The following SLK variants were observed in gnomAD, a reference collection of about 807,000 sequenced individuals.
SLK encodes STE20 like kinase, also known as STE20-like serine/threonine-protein kinase.
A neutral mutation model predicts 147.7 loss-of-function variants in SLK; 67 were observed. The observed-to-expected ratio is 0.45, with a 90% confidence interval of 0.37 to 0.56. The LOEUF is 0.56. SLK is among the 20% of genes least tolerant of loss of function. The pLI is 0.00. For synonymous variants in SLK, 441 were observed against 475.0 expected, an observed-to-expected ratio of 0.93 and a Z score of 0.93; for missense variants, 1,136 against 1,438.8, an observed-to-expected ratio of 0.79 and a Z score of 3.41.
At chr10:103,989,464 C>CTTTTTTTTTTTTT (rs68033075) in intron 1 of SLK, among the ~76,000 whole-genome samples, 17 of 78,588 alleles carry the variant, frequency 2.2e-4, no homozygotes, top group African/African-American at 5.7e-4. Flanking sequence ...GTGGCAGTTT[C>CTTTTTTTTTTTTT]TTTTTTTTTT....
rs186202260 is a variant in SLK at position 103,986,261 on chromosome 10, A to G, written c.151-4414A>G. ...TAATGAAATAATTACACAACTCACC[A>G]TAATATAGAATTAGTGGGAGCTCTG... On this transcript the variant is annotated intron_variant, in intron 1 of 18. Transcript: ENST00000369755. 1.8e-3 allele frequency among the ~76,000 whole-genome samples: 269 copies of G among 152,320 alleles called. 1 individual carries two copies. Among genetic ancestry groups the G allele is most frequent in the African/African-American group, 6.3e-3 (260 of 41,568 alleles).
chr10:103,999,355 A>G (rs1308088065), intron 6 of SLK, 42 bp downstream of exon 6: 1 of 1,388,632 alleles, frequency 7.2e-7, no homozygotes, highest in Non-Finnish European at 9.9e-7. Context: ...AACAAATGAT[A>G]CTAGGAAGCA....
chr10:104,022,611 T>TTTTG (rs1304188518), intron 18 of SLK, among the ~76,000 whole-genome samples: 1 of 152,210 alleles, frequency 6.6e-6, no homozygotes, highest in Non-Finnish European at 1.5e-5. Context: ...TAGTGTGGCT[T>TTTTG]TTTGTTTGTT....
Position 104,025,690 on chromosome 10 carries a change from T to C in SLK, c.3678T>C (p.Pro1226=). ...AGAGCCGGATTTCCAAATTTTATCCTATTCCCAGCTTGCATTCCACCGGAT... is the reference window on the plus strand; with the variant it reads ...AGAGCCGGATTTCCAAATTTTATCCCATTCCCAGCTTGCATTCCACCGGAT... The part of the protein sequence containing the change: ...STQSRISKFY[P]IPSLHSTGS The change falls in exon 19 of 19, where the codon CCT becomes CCC. Residue 1226 remains proline, a synonymous_variant. Transcript: ENST00000369755. 1 of 1,614,114 alleles carries C rather than the reference T, an allele frequency of 6.2e-7. No individual in the cohort carries two copies. Among genetic ancestry groups the C allele is most frequent in the Non-Finnish European group, 8.5e-7 (1 of 1,179,980 alleles).
intron 1 of SLK, among the ~76,000 whole-genome samples, chr10:103,971,189 T>C (rs1241395914): frequency 2.0e-5 from 3 of 152,356 alleles, no homozygotes; most frequent in African/African-American, 7.2e-5. Flanking sequence ...AAAAATAGTA[T>C]TATTTGACAT....
intron 5 of SLK, 25 bp from the exon 6 acceptor site, chr10:103,999,094 A>G (rs1338015347): frequency 6.3e-7 from 1 of 1,587,728 alleles, no homozygotes; most frequent in East Asian, 2.2e-5. Context: ...TAAACATGTT[A>G]ACTTTTAATT....
At chr10:104,012,200 T>TA (rs1015610116) in intron 13 of SLK, among the ~76,000 whole-genome samples, 10 of 152,140 alleles carry the variant, frequency 6.6e-5, no homozygotes, top group Non-Finnish European at 1.2e-4. Context: ...GGGCTGCCAT[T>TA]AAAAAAATTT....
At chr10:103,972,533 G>A (rs894777465) in intron 1 of SLK, among the ~76,000 whole-genome samples, 73 of 152,188 alleles carry the variant, frequency 4.8e-4, no homozygotes, top group Admixed American at 2.0e-3. Flanking sequence ...TTAGCCGGGC[G>A]TGGTGGCAGG....
chr10:103,999,944 T>C lies in SLK; in HGVS notation c.860T>C (p.Leu287Pro). The C allele has an allele frequency of 6.8e-7, 1 of 1,476,572 alleles. No homozygotes were observed. Among genetic ancestry groups the C allele is most frequent in the Non-Finnish European group, 9.4e-7 (1 of 1,067,546 alleles). The allele number at this position is 1,476,572 out of a possible 1,614,324, so 91.5% of individuals were successfully genotyped here. A position where few individuals can be genotyped will look rare whatever the true frequency, so the allele number is the denominator to read the frequency against. ...VDARWTTSQL[L>P]QHPFVTVDSN... Reference sequence around the variant, plus strand: ...GCCAGGTGGACTACATCTCAGCTGCTGCAGGTAAGAGAGTATGACAACAGC... The same window carrying C: ...GCCAGGTGGACTACATCTCAGCTGCCGCAGGTAAGAGAGTATGACAACAGC... Residue 287 changes from leucine (L) to proline (P), a missense_variant, in exon 7 of 19, where the codon CTG (leucine) becomes CCG (proline). Physicochemically the swap from Leu to Pro is moderately conservative, Grantham distance 98. This residue lies in a region of SLK where 141 missense variants were observed against 219.3 expected (regional missense o/e 0.64). Coordinates refer to ENST00000369755, the MANE Select transcript of SLK (RefSeq NM_014720.4).
Position 104,018,826 on chromosome 10 carries a change from A to G in SLK, c.3050A>G (p.Gln1017Arg), listed in dbSNP as rs895816469. The part of the protein sequence containing the change: ...AIWELEERHL[Q>R]EKHQLLKQQL... Reference sequence around the variant, plus strand: ...TGGGAGCTCGAAGAACGACACTTACAAGAAAAACACCAGCTGCTCAAACAG... The same window carrying G: ...TGGGAGCTCGAAGAACGACACTTACGAGAAAAACACCAGCTGCTCAAACAG... Residue 1017 changes from glutamine to arginine, a missense_variant, in exon 15 of 19, where the codon CAA (glutamine) becomes CGA (arginine). Coordinates refer to ENST00000369755, the MANE Select transcript of SLK (RefSeq NM_014720.4). The G allele has an allele frequency of 6.8e-6, 11 of 1,613,280 alleles. No individual in the cohort carries two copies. The highest frequency in any genetic ancestry group is 4.4e-5 in the South Asian group (4 of 90,842).
intron 9 of SLK, 21 bp from the exon 10 acceptor site, chr10:104,005,540 C>T: frequency 6.3e-7 from 1 of 1,591,076 alleles, no homozygotes; most frequent in African/African-American, 1.4e-5. Context: ...CAAAGCCTAA[C>T]TAAAATAAAA....
intron 1 of SLK, among the ~76,000 whole-genome samples, chr10:103,980,143 A>G (rs1013728835): frequency 1.3e-5 from 2 of 152,200 alleles, no homozygotes; most frequent in Non-Finnish European, 2.9e-5. Flanking sequence ...CTTCCATCAT[A>G]TAATGGATGT....
intron 1 of SLK, among the ~76,000 whole-genome samples, chr10:103,969,742 T>G (rs745311020): frequency 6.6e-6 from 1 of 152,238 alleles, no homozygotes; most frequent in Non-Finnish European, 1.5e-5. Flanking sequence ...GTGCTGGCTG[T>G]CACAAACCAG....
rs576020300 is a variant in SLK, at chr10:104,014,217, A to G, written c.2877+3309A>G. 2.0e-5 allele frequency among the ~76,000 whole-genome samples: 3 copies of G among 152,342 alleles called. No individual in the cohort carries two copies. The South Asian group carries it at 6.2e-4, about 32-fold the overall frequency. The stretch of plus-strand genomic sequence containing the variant: ...TTATGTAGATGTTTTAATTATGGAT[A>G]TGGTCAGAAAAGCCATGTTAAAAGT... On this transcript the variant is annotated intron_variant, in intron 13 of 18. Transcript: ENST00000369755.
chr10:104,017,180 G>C (rs1199683558), intron 13 of SLK, among the ~76,000 whole-genome samples: 1 of 152,138 alleles, frequency 6.6e-6, no homozygotes, highest in Non-Finnish European at 1.5e-5. Context: ...ATAAATATTT[G>C]TTGAATGAAT....
chr10:103,991,071 C>G (rs550011754), intron 2 of SLK, among the ~76,000 whole-genome samples: 1 of 152,200 alleles, frequency 6.6e-6, no homozygotes, highest in South Asian at 2.1e-4. Flanking sequence ...GATTGTTTGA[C>G]ATTGGATCCA....
In SLK at chr10:104,003,027, A is replaced by T. The variant is rs1382323483; in HGVS notation, c.1849A>T (p.Lys617Ter). The T allele has an allele frequency of 1.2e-6, 2 of 1,613,802 alleles. No individual in the cohort carries two copies. Among genetic ancestry groups the T allele is most frequent in the Non-Finnish European group, 1.7e-6 (2 of 1,179,890 alleles). Reference sequence around the variant, plus strand: ...GAATGAAATAGAAGAAGGTAAAAATAAGGAACAAGCAATAAACAGTTCAGA... The same window carrying T: ...GAATGAAATAGAAGAAGGTAAAAATTAGGAACAAGCAATAAACAGTTCAGA... ...EMNEIEEGKN[K>*]EQAINSSENI... Residue 617 changes from lysine (K) to a stop codon, truncating the protein, a stop_gained, in exon 9 of 19, where the codon AAG becomes TAG. Coordinates refer to ENST00000369755, the MANE Select transcript of SLK (RefSeq NM_014720.4). LOFTEE classifies it high-confidence loss of function.
intron 9 of SLK, among the ~76,000 whole-genome samples, chr10:104,004,090 A>G (rs985032985): frequency 3.3e-5 from 3 of 91,474 alleles, no homozygotes; most frequent in Non-Finnish European, 6.5e-5. Flanking sequence ...ACTATTTGTA[A>G]AAAAAAAAGA....
At position 104,015,475 on chromosome 10, in the gene SLK, T is replaced by C. The variant is rs549526050; in HGVS notation, c.2878-2685T>C. Among the ~76,000 whole-genome samples, 21 of 152,314 alleles carry C rather than the reference T, an allele frequency of 1.4e-4. No homozygotes were observed. The East Asian group carries it at 3.7e-3, about 27-fold the overall frequency. On this transcript the variant is annotated intron_variant, in intron 13 of 18. Transcript: ENST00000369755. ...TTTATTCCCAGCTTTGAGTTTTCTG[T>C]GGTTTACTTTTGAACTTTTAAAAAT...
Sources: allele counts gnomAD v4.1 joint callset (sites outside exome capture counted in the v4.1 genomes callset), GRCh38; gene constraint gnomAD v4.1.1; regional missense constraint gnomAD v4.1.1; transcripts MANE v1.5; gene names NCBI Gene and HGNC (gene_info 2026-07-23, HGNC 2026-07-21).